Variants in TBC1D22A observed in about 807,000 individuals in gnomAD.
The protein encoded by TBC1D22A is putative GTPase activator.
TBC1D22A carries 38 observed loss-of-function variants against 60.2 expected under a neutral mutation model. That is an observed-to-expected ratio of 0.63 (90% CI 0.49 to 0.83). The LOEUF (loss-of-function observed/expected upper bound fraction) is 0.83, where lower values mean the gene tolerates loss of function less well. Ranked by LOEUF, TBC1D22A falls within the 40% of genes least tolerant of loss-of-function variation. The pLI, the probability that TBC1D22A is intolerant of heterozygous loss-of-function variation, is 0.00. For synonymous variants in TBC1D22A, 302 were observed against 281.7 expected (o/e 1.07, Z -0.72); for missense variants, 628 against 701.0 (o/e 0.90, Z 1.18).
chr22:46,834,225 A>G (rs546258577), intron 4 of TBC1D22A, among the ~76,000 whole-genome samples: 1 of 152,282 alleles, frequency 6.6e-6, no homozygotes, highest in Admixed American at 6.5e-5. Context: ...AAAAAAGCAC[A>G]CTGTGGCAAA....
chr22:46,854,233 C>T (rs934521617), intron 4 of TBC1D22A, among the ~76,000 whole-genome samples: 8 of 152,158 alleles, frequency 5.3e-5, no homozygotes, highest in Admixed American at 1.3e-4. Flanking sequence ...AAATCATGGA[C>T]GTGGTTGAGA....
At chr22:46,898,151 C>T (rs2068783547) in intron 7 of TBC1D22A, among the ~76,000 whole-genome samples, 1 of 152,082 alleles carries the variant, frequency 6.6e-6, no homozygotes, top group African/African-American at 2.4e-5. Context: ...TTTATTTTTT[C>T]CTACCACTTG....
At chr22:46,860,998 A>C (rs539951233) in intron 4 of TBC1D22A, among the ~76,000 whole-genome samples, 1 of 152,050 alleles carries the variant, frequency 6.6e-6, no homozygotes, top group Admixed American at 6.5e-5. Flanking sequence ...TTTTTAAGGC[A>C]GGGTCTAAGC....
At chr22:46,914,184 C>T (rs974753465) in intron 8 of TBC1D22A, 2 of 152,154 alleles carry the variant, frequency 1.3e-5, no homozygotes, top group Admixed American at 6.6e-5. Flanking sequence ...GCCTGTAATC[C>T]GAGCACTTAA....
chr22:47,109,238 A>C (rs945729077), intron 11 of TBC1D22A, among the ~76,000 whole-genome samples: 1 of 152,220 alleles, frequency 6.6e-6, no homozygotes, highest in African/African-American at 2.4e-5. Context: ...AAACACAGAA[A>C]ACAAAGATTG....
intron 4 of TBC1D22A, among the ~76,000 whole-genome samples, chr22:46,863,928 C>A (rs1237025388): frequency 2.0e-5 from 3 of 152,178 alleles, no homozygotes; most frequent in Non-Finnish European, 4.4e-5. Context: ...GAGGCCTTCT[C>A]TAGCTCAGCA....
intron 11 of TBC1D22A, among the ~76,000 whole-genome samples, chr22:47,039,935 CTTTTTTTTTT>C (rs570751261): frequency 0.37 from 28,333 of 77,564 alleles, 4,326 homozygotes; most frequent in East Asian, 0.63. Flanking sequence ...GTGCCACAGC[CTTTTTTTTTT>C]TTTTTTTTTT....
intron 11 of TBC1D22A, among the ~76,000 whole-genome samples, chr22:47,104,061 C>G (rs568331593): frequency 6.6e-6 from 1 of 152,172 alleles, no homozygotes; most frequent in East Asian, 1.9e-4. Flanking sequence ...AATCTCAGCA[C>G]TTTGGGAGGC....
Position 46,991,706 on chromosome 22 carries a change from A to G in TBC1D22A, c.1126-5928A>G, listed in dbSNP as rs116149886. On this transcript the variant is annotated intron_variant, in intron 9 of 12. Coordinates refer to ENST00000337137, the MANE Select transcript of TBC1D22A (RefSeq NM_014346.5). ...AAATCTCTTACCTGCAGTGGCCTCC[A>G]TTTGCATTTCATTACCTGCGTTTGA... Among the ~76,000 whole-genome samples, 403 of 152,156 alleles carry G rather than the reference A, an allele frequency of 2.6e-3. 3 individuals are homozygous for G. The highest frequency in any genetic ancestry group is 0.01 in the Middle Eastern group (3 of 294).
chr22:47,123,017 T>C (rs1384810137), intron 12 of TBC1D22A, among the ~76,000 whole-genome samples: 1 of 152,204 alleles, frequency 6.6e-6, no homozygotes, highest in East Asian at 1.9e-4. Flanking sequence ...GGTTTGCACA[T>C]GGAGATTTAT....
At chr22:47,089,507 A>G (rs1191205823) in intron 11 of TBC1D22A, among the ~76,000 whole-genome samples, 1 of 152,240 alleles carries the variant, frequency 6.6e-6, no homozygotes, top group Non-Finnish European at 1.5e-5. Context: ...ACGTAGACGT[A>G]CACACAGTCC....
chr22:46,980,037 A>T (rs2074452632), intron 9 of TBC1D22A, among the ~76,000 whole-genome samples: 1 of 152,044 alleles, frequency 6.6e-6, no homozygotes, highest in Admixed American at 6.5e-5. Flanking sequence ...AATGTTAGCG[A>T]TTGCTCTCGT....
intron 12 of TBC1D22A, among the ~76,000 whole-genome samples, chr22:47,157,912 A>G (rs1044015111): frequency 2.0e-5 from 3 of 149,510 alleles, no homozygotes; most frequent in African/African-American, 7.3e-5. Flanking sequence ...GGTGTGAGGC[A>G]GGGGTAACTG....
chr22:47,052,957 C>T (rs577931102), intron 11 of TBC1D22A, among the ~76,000 whole-genome samples: 6 of 152,356 alleles, frequency 3.9e-5, no homozygotes, highest in Admixed American at 1.3e-4. Context: ...GCAGCTGTGA[C>T]ATGCTGGGCT....
At chr22:46,862,169 G>C (rs1400000901) in intron 4 of TBC1D22A, among the ~76,000 whole-genome samples, 1 of 152,230 alleles carries the variant, frequency 6.6e-6, no homozygotes, top group Non-Finnish European at 1.5e-5. Flanking sequence ...TGAAGATTGG[G>C]TGGAACGCGG....
intron 12 of TBC1D22A, among the ~76,000 whole-genome samples, chr22:47,130,100 C>T (rs1239437721): frequency 1.3e-5 from 2 of 152,332 alleles, no homozygotes; most frequent in African/African-American, 2.4e-5. Context: ...TGAGTCACCA[C>T]GTGCACTGTG....
intron 8 of TBC1D22A, chr22:46,915,651 C>T (rs1157042102): frequency 2.2e-6 from 1 of 456,474 alleles, no homozygotes; most frequent in Non-Finnish European, 4.4e-6. Flanking sequence ...TAAGAAATCC[C>T]CGGGGTGTGG....
intron 12 of TBC1D22A, among the ~76,000 whole-genome samples, chr22:47,172,257 T>A (rs2068513026): frequency 6.6e-6 from 1 of 152,184 alleles, no homozygotes; most frequent in African/African-American, 2.4e-5. Flanking sequence ...GCCCACTGTG[T>A]GCCCACCCAG....
chr22:47,109,737 C>G (rs1170604018), intron 11 of TBC1D22A, among the ~76,000 whole-genome samples: 1 of 152,158 alleles, frequency 6.6e-6, no homozygotes. Flanking sequence ...CAGAGTGGCT[C>G]TTGGTTCCTT....
Sources: allele counts gnomAD v4.1 joint callset (sites outside exome capture counted in the v4.1 genomes callset), GRCh38; gene constraint gnomAD v4.1.1; transcripts MANE v1.5; gene names NCBI Gene and HGNC (gene_info 2026-07-23, HGNC 2026-07-21).